SIPA1L1: variants seen among roughly 807,000 people sequenced by gnomAD.
The protein encoded by SIPA1L1 is signal-induced proliferation-associated 1-like protein 1.
SIPA1L1 carries 26 observed loss-of-function variants against 162.7 expected under a neutral mutation model. The ratio of observed to expected loss-of-function variants is 0.16; its 90% CI spans 0.12 to 0.22. The LOEUF (loss-of-function observed/expected upper bound fraction) is 0.22, where lower values mean the gene tolerates loss of function less well. Among genes scored for constraint, SIPA1L1 ranks in the 10% least tolerant of loss-of-function variants. SIPA1L1 has a pLI of 1.00. For missense variants in SIPA1L1, 1,874 were observed against 2,241.0 expected, an observed-to-expected ratio of 0.84 and a Z score of 3.31; for synonymous variants, 829 against 837.4, an observed-to-expected ratio of 0.99 and a Z score of 0.17.
At chr14:71,604,001 AT>A (rs539719151) in intron 5 of SIPA1L1, among the ~76,000 whole-genome samples, 573 of 140,322 alleles carry the variant, frequency 4.1e-3, no homozygotes, top group African/African-American at 4.9e-3. Context: ...ATATATATAA[AT>A]TTTTTTTTTT....
Position 71,561,988 on chromosome 14 carries a change from A to G in SIPA1L1, c.-302-25583A>G, listed in dbSNP as rs1002912952. 5.7e-4 allele frequency among the ~76,000 whole-genome samples: 86 copies of G among 151,890 alleles called. 1 individual carries two copies. Among genetic ancestry groups the G allele is most frequent in the Admixed American group, 1.6e-3 (25 of 15,252 alleles). The stretch of plus-strand genomic sequence containing the variant: ...CTTAAGTAACACAGTATATTTTTTC[A>G]CGTTGTAAAATGATACATTCTTGGT... On this transcript the variant is annotated intron_variant, in intron 4 of 23. Coordinates refer to ENST00000381232, the MANE Select transcript of SIPA1L1 (RefSeq NM_001386936.1).
intron 17 of SIPA1L1, among the ~76,000 whole-genome samples, chr14:71,716,780 C>T (rs149792266): frequency 2.6e-5 from 4 of 152,318 alleles, no homozygotes; most frequent in Admixed American, 6.5e-5. Flanking sequence ...TATAAAGCTT[C>T]GCCACAGCTG....
At chr14:71,714,784 G>A (rs2083140943) in intron 17 of SIPA1L1, among the ~76,000 whole-genome samples, 1 of 152,096 alleles carries the variant, frequency 6.6e-6, no homozygotes, top group African/African-American at 2.4e-5. Flanking sequence ...GTCTCATCAT[G>A]TTGCCCAGGC....
intron 17 of SIPA1L1, among the ~76,000 whole-genome samples, chr14:71,719,772 A>G (rs1195854547): frequency 6.6e-6 from 1 of 152,210 alleles, no homozygotes; most frequent in Non-Finnish European, 1.5e-5. Flanking sequence ...GATTACAGAC[A>G]TGAGACACTG....
chr14:71,327,799 C>T (rs762128944), intron 2 of SIPA1L1, among the ~76,000 whole-genome samples: 1 of 152,164 alleles, frequency 6.6e-6, no homozygotes, highest in Non-Finnish European at 1.5e-5. Context: ...CACTGAAGAC[C>T]TCAGAAGCTT....
intron 2 of SIPA1L1, among the ~76,000 whole-genome samples, chr14:71,360,411 CCT>C (rs1321916800): frequency 6.6e-6 from 1 of 152,182 alleles, no homozygotes; most frequent in African/African-American, 2.4e-5. Flanking sequence ...GCTTACACGA[CCT>C]GCCCAGTATC....
intron 2 of SIPA1L1, among the ~76,000 whole-genome samples, chr14:71,391,048 A>G (rs2040705444): frequency 6.6e-6 from 1 of 152,028 alleles, no homozygotes; most frequent in Non-Finnish European, 1.5e-5. Context: ...ATGACAGTGG[A>G]AAGGAAATAG....
At chr14:71,542,965 T>C (rs1208317534) in intron 4 of SIPA1L1, among the ~76,000 whole-genome samples, 2 of 152,066 alleles carry the variant, frequency 1.3e-5, no homozygotes, top group African/African-American at 2.4e-5. Flanking sequence ...GTAGCTAACG[T>C]CTTTGTTCTG....
intron 4 of SIPA1L1, among the ~76,000 whole-genome samples, chr14:71,568,951 G>A (rs1006838475): frequency 1.3e-5 from 2 of 152,170 alleles, no homozygotes; most frequent in Non-Finnish European, 2.9e-5. Context: ...TTTTTGATGT[G>A]CAGCAAACTT....
chr14:71,597,317 AC>A (rs898523487), intron 5 of SIPA1L1, among the ~76,000 whole-genome samples: 20 of 148,066 alleles, frequency 1.4e-4, no homozygotes, highest in African/African-American at 4.7e-4. Context: ...TTCTTATATA[AC>A]CTCCCCTCCC....
At chr14:71,541,093 G>A (rs367826128) in intron 4 of SIPA1L1, among the ~76,000 whole-genome samples, 10 of 152,004 alleles carry the variant, frequency 6.6e-5, no homozygotes, top group Middle Eastern at 3.4e-3. Flanking sequence ...CTCCAGCCTG[G>A]GTGACAGAGC....
chr14:71,503,785 T>G (rs1458138943), intron 2 of SIPA1L1: 1 of 152,124 alleles, frequency 6.6e-6, no homozygotes, highest in Non-Finnish European at 1.5e-5. Flanking sequence ...ACTTATCTAG[T>G]ATTTCTCTTA....
At chr14:71,647,465 T>G (rs947283275) in intron 7 of SIPA1L1, among the ~76,000 whole-genome samples, 1 of 152,052 alleles carries the variant, frequency 6.6e-6, no homozygotes, top group African/African-American at 2.4e-5. Flanking sequence ...GGCCTCTATC[T>G]ATGAAGTTTT....
At chr14:71,442,241 A>C (rs2044949252) in intron 2 of SIPA1L1, among the ~76,000 whole-genome samples, 2 of 151,798 alleles carry the variant, frequency 1.3e-5, no homozygotes, top group Admixed American at 6.6e-5. Flanking sequence ...TAATTAAAAA[A>C]ATTCAGAACA....
chr14:71,494,757 A>G (rs1312475068), intron 2 of SIPA1L1, among the ~76,000 whole-genome samples: 1 of 152,106 alleles, frequency 6.6e-6, no homozygotes, highest in Non-Finnish European at 1.5e-5. Context: ...CTCCTGCCTC[A>G]GCCTCCCGAG....
chr14:71,355,740 T>C (rs1286595625), intron 2 of SIPA1L1, among the ~76,000 whole-genome samples: 1 of 152,158 alleles, frequency 6.6e-6, no homozygotes, highest in Non-Finnish European at 1.5e-5. Context: ...AGGTTCGAAG[T>C]GTTGATTGTG....
At chr14:71,344,777 G>C (rs1306412079) in intron 2 of SIPA1L1, among the ~76,000 whole-genome samples, 2 of 152,054 alleles carry the variant, frequency 1.3e-5, no homozygotes, top group Non-Finnish European at 2.9e-5. Flanking sequence ...CGTTACACAG[G>C]CTGCTCTCCA....
In SIPA1L1 at chr14:71,672,569, T is replaced by G; in HGVS notation, c.3051T>G (p.Ser1017=). Residue 1017 remains serine (S), a synonymous_variant, in exon 12 of 24, where the codon TCT becomes TCG. Coordinates refer to ENST00000381232, the MANE Select transcript of SIPA1L1 (RefSeq NM_001386936.1). ...AGATGATCGACCTCCTGAGAACATC[T>G]GTCACGGTGAAGGTTGTCATCATTC... The part of the protein sequence containing the change: ...HEQMIDLLRT[S]VTVKVVIIPP... The G allele has an allele frequency of 6.2e-7, 1 of 1,614,156 alleles. No individual in the cohort carries two copies. The highest frequency in any genetic ancestry group is 8.5e-7 in the Non-Finnish European group (1 of 1,180,006).
At chr14:71,442,172 C>CAAAAA (rs368432068) in intron 2 of SIPA1L1, among the ~76,000 whole-genome samples, 5 of 26,084 alleles carry the variant, frequency 1.9e-4, no homozygotes, top group African/African-American at 3.3e-4. Context: ...GACTCTGTCT[C>CAAAAA]AAAAAAAAAA....
Sources: gnomAD v4.1 joint callset for allele counts (sites outside exome capture counted in the v4.1 genomes callset) on GRCh38, gnomAD v4.1.1 for gene constraint, MANE v1.5 for transcripts, NCBI Gene and HGNC (gene_info 2026-07-23, HGNC 2026-07-21) for gene names.